The following FSHR variants were observed in gnomAD, a reference collection of about 807,000 sequenced individuals.
FSHR encodes the protein follicle-stimulating hormone receptor.
Under a neutral mutation model 52.1 loss-of-function variants are expected in FSHR, and 46 were observed. The ratio of observed to expected loss-of-function variants is 0.88; its 90% CI spans 0.70 to 1.13. FSHR has a LOEUF of 1.13. FSHR is among the 50% of genes most tolerant of loss of function. The probability of loss-of-function intolerance (pLI) is 0.00; values close to 1 mark genes in which losing one functional copy is unlikely to be tolerated. For missense variants in FSHR, 964 were observed against 834.6 expected, an observed-to-expected ratio of 1.16 and a Z score of -1.91; for synonymous variants, 399 against 309.6, an observed-to-expected ratio of 1.29 and a Z score of -3.03.
Position 49,146,648 on chromosome 2 carries a change from C to T in FSHR, c.152+7618G>A, listed in dbSNP as rs559215729. The stretch of plus-strand genomic sequence containing the variant: ...GGATTACACAGCTGCTGGAATCTGA[C>T]GCCTAGAGAAAGCCTATTGGTTTGG... On this transcript the variant is annotated intron_variant, in intron 1 of 9. Coordinates refer to ENST00000406846, the MANE Select transcript of FSHR (RefSeq NM_000145.4). Among the ~76,000 whole-genome samples, 78 of 152,080 alleles carry T rather than the reference C, an allele frequency of 5.1e-4. 1 individual carries two copies. The highest frequency in any genetic ancestry group is 1.5e-3 in the African/African-American group (62 of 41,502).
At chr2:49,071,455 AAAATT>A (rs1310572798) in intron 1 of FSHR, among the ~76,000 whole-genome samples, 3 of 152,230 alleles carry the variant, frequency 2.0e-5, no homozygotes, top group Non-Finnish European at 4.4e-5. Flanking sequence ...AGGATAAAAT[AAAATT>A]ACTTCTGAAC....
At chr2:48,984,586 A>ATT (rs141416405) in intron 6 of FSHR, among the ~76,000 whole-genome samples, 1,939 of 101,712 alleles carry the variant, frequency 0.019, 38 homozygotes, top group African/African-American at 0.049. Context: ...ATAATTGGGT[A>ATT]TTTTTTTTTT....
intron 9 of FSHR, among the ~76,000 whole-genome samples, chr2:48,965,798 A>G (rs1224399084): frequency 2.0e-5 from 3 of 152,250 alleles, no homozygotes; most frequent in African/African-American, 7.2e-5. Context: ...ACATGAAGTA[A>G]GGAGAAAAGT....
At position 49,105,499 on chromosome 2, in the gene FSHR, C is replaced by T. The variant is rs555168292; in HGVS notation, c.153-37209G>A. ...TTTGTGCTTAAAAAACAAAGGTTGG[C>T]AATTAAACTTCAAGAGTCGTGAGGC... On this transcript the variant is annotated intron_variant, in intron 1 of 9. Transcript: ENST00000406846. Among the ~76,000 whole-genome samples the T allele has an allele frequency of 4.6e-5, 7 of 152,024 alleles. No homozygotes were observed. The East Asian group carries it at 1.2e-3, about 25-fold the overall frequency.
intron 1 of FSHR, among the ~76,000 whole-genome samples, chr2:49,072,941 A>T (rs556519888): frequency 6.6e-6 from 1 of 152,152 alleles, no homozygotes; most frequent in East Asian, 1.9e-4. Context: ...CTGACAATTC[A>T]TTATGACCTT....
chr2:49,021,593 G>A (rs1433075337), intron 2 of FSHR, among the ~76,000 whole-genome samples: 1 of 151,732 alleles, frequency 6.6e-6, no homozygotes, highest in Non-Finnish European at 1.5e-5. Flanking sequence ...GTGACTGTGA[G>A]CAGCAGCAGT....
chr2:49,038,472 AT>A (rs1668359071), intron 2 of FSHR, among the ~76,000 whole-genome samples: 1 of 151,578 alleles, frequency 6.6e-6, no homozygotes, highest in Non-Finnish European at 1.5e-5. Context: ...AAACAAAAAA[AT>A]AATTAGCCGG....
At chr2:49,101,029 C>G (rs1436618583) in intron 1 of FSHR, among the ~76,000 whole-genome samples, 1 of 152,134 alleles carries the variant, frequency 6.6e-6, no homozygotes, top group Non-Finnish European at 1.5e-5. Flanking sequence ...AAGATAAAAA[C>G]TGAAACATAT....
chr2:49,033,098 A>G (rs1668156739), intron 2 of FSHR, among the ~76,000 whole-genome samples: 2 of 152,220 alleles, frequency 1.3e-5, no homozygotes, highest in Non-Finnish European at 2.9e-5. Context: ...CTTTAAATGT[A>G]AGACAGAAGA....
At chr2:49,036,197 G>A (rs1668266300) in intron 2 of FSHR, among the ~76,000 whole-genome samples, 1 of 152,116 alleles carries the variant, frequency 6.6e-6, no homozygotes, top group African/African-American at 2.4e-5. Flanking sequence ...TTGGAAACAT[G>A]TATCCAAATT....
At chr2:49,130,969 G>A (rs1209862834) in intron 1 of FSHR, among the ~76,000 whole-genome samples, 1 of 152,044 alleles carries the variant, frequency 6.6e-6, no homozygotes, top group African/African-American at 2.4e-5. Context: ...TCTCTATTTA[G>A]TACAAAAAAA....
At chr2:48,981,866 ATAAGAGGT>A (rs1047910181) in intron 8 of FSHR, among the ~76,000 whole-genome samples, 19 of 152,190 alleles carry the variant, frequency 1.2e-4, no homozygotes, top group Admixed American at 1.2e-3. Context: ...TAACTGCCAA[ATAAGAGGT>A]TCAGGCAGGT....
intron 2 of FSHR, among the ~76,000 whole-genome samples, chr2:49,050,036 A>G (rs1558411067): frequency 6.6e-6 from 1 of 152,032 alleles, no homozygotes; most frequent in Admixed American, 6.6e-5. Flanking sequence ...TCAACCCAAA[A>G]AGTGACAAGA....
intron 1 of FSHR, among the ~76,000 whole-genome samples, chr2:49,118,244 A>C (rs1671676112): frequency 6.6e-6 from 1 of 152,106 alleles, no homozygotes; most frequent in Admixed American, 6.6e-5. Context: ...GGAGGAAAGG[A>C]GCAAGGAGGG....
intron 2 of FSHR, among the ~76,000 whole-genome samples, chr2:49,030,069 AG>A (rs1668046487): frequency 6.6e-6 from 1 of 152,192 alleles, no homozygotes; most frequent in Non-Finnish European, 1.5e-5. Context: ...GCAGCAGGGT[AG>A]CCAGCAAGGG....
At chr2:48,973,004 A>G (rs560031811) in intron 8 of FSHR, among the ~76,000 whole-genome samples, 2 of 141,534 alleles carry the variant, frequency 1.4e-5, no homozygotes, top group African/African-American at 3.0e-5. Context: ...TTGCGGGTCT[A>G]TTTGTTCTCC....
rs1668906303 is a variant in FSHR, at chr2:49,052,583, C to T, written c.224+15636G>A. On this transcript the variant is annotated intron_variant, in intron 2 of 9. Transcript: ENST00000406846. ...AAGTTCTCCAGGGGATTCTAAAGTG[C>T]AGTCTAAGAAGAGAACCACTCAACG... Among the ~76,000 whole-genome samples the T allele has an allele frequency of 2.6e-5, 4 of 152,178 alleles. No individual in the cohort carries two copies. In the South Asian group the frequency reaches 6.2e-4, roughly 24 times the overall value.
intron 2 of FSHR, among the ~76,000 whole-genome samples, chr2:49,046,499 T>A (rs1462578783): frequency 6.6e-6 from 1 of 152,204 alleles, no homozygotes; most frequent in Non-Finnish European, 1.5e-5. Context: ...ATTAGAATGA[T>A]AGTAAGATTC....
chr2:48,964,304 C>T (rs1031867100), intron 9 of FSHR, among the ~76,000 whole-genome samples: 1 of 152,138 alleles, frequency 6.6e-6, no homozygotes, highest in African/African-American at 2.4e-5. Context: ...TTCCTTCTCC[C>T]ATCTTGATCC....
Sources: allele counts gnomAD v4.1 joint callset (sites outside exome capture counted in the v4.1 genomes callset), GRCh38; gene constraint gnomAD v4.1.1; transcripts MANE v1.5; gene names NCBI Gene and HGNC (gene_info 2026-07-23, HGNC 2026-07-21).